Variants in DLG2 observed in about 807,000 individuals in gnomAD.
DLG2 encodes the protein discs large MAGUK scaffold protein 2.
Under a neutral mutation model 132.5 loss-of-function variants are expected in DLG2, and 45 were observed. That is an observed-to-expected ratio of 0.34 (90% CI 0.27 to 0.44). The LOEUF is 0.44. DLG2 is among the 20% of genes least tolerant of loss of function. The probability of loss-of-function intolerance (pLI) is 1.00; values close to 1 mark genes in which losing one functional copy is unlikely to be tolerated. For synonymous variants in DLG2, 424 were observed against 419.6 expected, an observed-to-expected ratio of 1.01 and a Z score of -0.13; for missense variants, 1,045 against 1,196.9, an observed-to-expected ratio of 0.87 and a Z score of 1.87.
chr11:84,252,113 G>T (rs1035902567), intron 7 of DLG2, among the ~76,000 whole-genome samples: 1 of 144,820 alleles, frequency 6.9e-6, no homozygotes, highest in South Asian at 2.2e-4. Context: ...CACATTATGC[G>T]TGCTGTATCC....
chr11:84,714,605 TTCTCTTTCTCTTTCTCTTTCTCTCTC>T (rs1565750042), intron 6 of DLG2, among the ~76,000 whole-genome samples: 179 of 99,440 alleles, frequency 1.8e-3, no homozygotes, highest in Middle Eastern at 5.2e-3. Flanking sequence ...TTCTTTCTCT[TTCTCTTTCTCTTTCTCTTTCTCTCTC>T]TCTCTCTCTC....
intron 7 of DLG2, among the ~76,000 whole-genome samples, chr11:84,326,362 A>T (rs897684854): frequency 6.6e-6 from 1 of 152,068 alleles, no homozygotes; most frequent in African/African-American, 2.4e-5. Context: ...GGAAGTGTAT[A>T]TTAATACAAA....
chr11:85,145,646 T>C (rs1382521277), intron 5 of DLG2, among the ~76,000 whole-genome samples: 2 of 152,046 alleles, frequency 1.3e-5, no homozygotes, highest in Non-Finnish European at 2.9e-5. Context: ...ACAATAGAAA[T>C]TTTTCAGCTG....
chr11:85,426,964 G>A (rs2153004801), intron 3 of DLG2, among the ~76,000 whole-genome samples: 2 of 152,308 alleles, frequency 1.3e-5, no homozygotes, highest in South Asian at 4.1e-4. Context: ...CAAGGCACGA[G>A]AAATACGTGA....
At chr11:85,154,721 G>T in intron 4 of DLG2, 70 bp from the exon 5 acceptor site, 1 of 731,254 alleles carries the variant, frequency 1.4e-6, no homozygotes. Context: ...TTCAAACTTT[G>T]AATATACACA....
intron 3 of DLG2, among the ~76,000 whole-genome samples, chr11:85,561,460 A>G (rs889592169): frequency 2.0e-5 from 3 of 151,464 alleles, no homozygotes; most frequent in African/African-American, 7.3e-5. Flanking sequence ...CAGTATTACA[A>G]AAGGGAAACT....
At chr11:85,211,270 G>A (rs375596369) in intron 4 of DLG2, among the ~76,000 whole-genome samples, 1 of 152,190 alleles carries the variant, frequency 6.6e-6, no homozygotes, top group South Asian at 2.1e-4. Context: ...AGTAGATCAA[G>A]GGTCTAGTGG....
At chr11:84,514,583 T>G (rs2099266925) in intron 7 of DLG2, among the ~76,000 whole-genome samples, 1 of 151,956 alleles carries the variant, frequency 6.6e-6, no homozygotes, top group Non-Finnish European at 1.5e-5. Flanking sequence ...TCACTTATTT[T>G]GGGATCTAAA....
intron 10 of DLG2, among the ~76,000 whole-genome samples, chr11:84,082,938 T>C (rs751108357): frequency 6.6e-5 from 10 of 152,316 alleles, no homozygotes; most frequent in Admixed American, 1.3e-4. Flanking sequence ...TTAAGGAGAC[T>C]TAGAGATTGC....
intron 8 of DLG2, among the ~76,000 whole-genome samples, chr11:84,217,985 T>C (rs936297566): frequency 1.2e-4 from 19 of 152,182 alleles, no homozygotes; most frequent in African/African-American, 4.3e-4. Flanking sequence ...CTAGCCAACA[T>C]GGTGAAATCC....
chr11:83,777,682 T>C (rs939766815), intron 18 of DLG2, among the ~76,000 whole-genome samples: 1 of 152,208 alleles, frequency 6.6e-6, no homozygotes, highest in African/African-American at 2.4e-5. Context: ...AAAATCATTA[T>C]TGAATGTTTC....
intron 5 of DLG2, among the ~76,000 whole-genome samples, chr11:85,112,451 G>A (rs2072923417): frequency 6.6e-6 from 1 of 151,752 alleles, no homozygotes; most frequent in Admixed American, 6.6e-5. Context: ...ACACCCCTTT[G>A]ATAATGAAAA....
At chr11:83,772,262 T>C (rs1478365957) in intron 18 of DLG2, among the ~76,000 whole-genome samples, 1 of 151,864 alleles carries the variant, frequency 6.6e-6, no homozygotes, top group Non-Finnish European at 1.5e-5. Flanking sequence ...AGAAAAAAAT[T>C]GGCTGGGCAT....
In DLG2 at chr11:83,964,221, C is replaced by T. The variant is rs548834619; in HGVS notation, c.1201+1103G>A. On this transcript the variant is annotated intron_variant, in intron 13 of 27. Coordinates refer to ENST00000376104, the MANE Select transcript of DLG2 (RefSeq NM_001142699.3). The stretch of plus-strand genomic sequence containing the variant: ...CTTATATGCCCTGCATGAAGTGGCT[C>T]ACAGACTATCAGGGCTGATTTTGCT... Among the ~76,000 whole-genome samples the T allele has an allele frequency of 5.3e-5, 8 of 151,986 alleles. No homozygotes were observed. In the South Asian group the frequency reaches 1.5e-3, roughly 28 times the overall value.
At chr11:84,898,136 G>A (rs1212678499) in intron 6 of DLG2, among the ~76,000 whole-genome samples, 1 of 151,912 alleles carries the variant, frequency 6.6e-6, no homozygotes, top group Non-Finnish European at 1.5e-5. Flanking sequence ...TAATTAAAAT[G>A]TACTTTTTTC....
At chr11:84,853,602 C>T (rs1026216434) in intron 6 of DLG2, among the ~76,000 whole-genome samples, 1 of 151,992 alleles carries the variant, frequency 6.6e-6, no homozygotes, top group Non-Finnish European at 1.5e-5. Context: ...GAGCACTGTG[C>T]TAGGTCTTAG....
In DLG2 at chr11:83,630,667, C is replaced by G. The variant is rs576985320; in HGVS notation, c.1940+2544G>C. Among the ~76,000 whole-genome samples, 14 of 152,194 alleles carry G rather than the reference C, an allele frequency of 9.2e-5. No homozygotes were observed. The South Asian group carries it at 2.3e-3, about 25-fold the overall frequency. ...CTAAAGTGTATTCAACAGCTGACAC[C>G]ACATAAACTAGGCCCTTAGGGAGGC... On this transcript the variant is annotated intron_variant, in intron 19 of 27. Transcript: ENST00000376104.
intron 6 of DLG2, among the ~76,000 whole-genome samples, chr11:85,082,550 C>T (rs189488449): frequency 2.2e-3 from 340 of 152,070 alleles, no homozygotes; most frequent in Non-Finnish European, 4.0e-3. Flanking sequence ...TAAGTTGCAC[C>T]TTTATATGAG....
Position 84,207,081 on chromosome 11 carries a change from C to CTCTCTATATATATA in DLG2, c.574-43571_574-43570insTATATATATAGAGA, listed in dbSNP as rs148707321. Among the ~76,000 whole-genome samples, 37 of 146,998 alleles carry CTCTCTATATATATA rather than the reference C, an allele frequency of 2.5e-4. 1 individual carries two copies. The South Asian group carries it at 6.9e-3, about 27-fold the overall frequency. On this transcript the variant is annotated intron_variant, in intron 8 of 27. Transcript: ENST00000376104. ...TAAATCTCTCTCTCTCTCTCTCTCT[C>CTCTCTATATATATA]TATATATATATATGTATGTATATAT...
Sources: allele counts gnomAD v4.1 joint callset (sites outside exome capture counted in the v4.1 genomes callset), GRCh38; gene constraint gnomAD v4.1.1; transcripts MANE v1.5; gene names NCBI Gene and HGNC (gene_info 2026-07-23, HGNC 2026-07-21).